The following ADAMTS6 variants were observed in gnomAD, a reference collection of about 807,000 sequenced individuals.
ADAMTS6 encodes the protein ADAM metallopeptidase with thrombospondin type 1 motif 6.
A neutral mutation model predicts 144.3 loss-of-function variants in ADAMTS6; 23 were observed. That is an observed-to-expected ratio of 0.16 (90% CI 0.11 to 0.23). The LOEUF (loss-of-function observed/expected upper bound fraction) is 0.23, where lower values mean the gene tolerates loss of function less well. ADAMTS6 is among the 10% of genes least tolerant of loss of function. ADAMTS6 has a pLI of 1.00. For synonymous variants in ADAMTS6, 444 were observed against 457.5 expected (o/e 0.97, Z 0.38); for missense variants, 999 against 1,379.6 (o/e 0.72, Z 4.37).
intron 7 of ADAMTS6, among the ~76,000 whole-genome samples, chr5:65,432,452 A>G (rs1757067039): frequency 6.6e-6 from 1 of 152,050 alleles, no homozygotes. Flanking sequence ...AGCCTTTCTG[A>G]ACTAGAAAGA....
chr5:65,262,827 C>G lies in ADAMTS6; in HGVS notation c.1756G>C (p.Asp586His). The G allele has an allele frequency of 6.5e-7, 1 of 1,532,402 alleles. No individual in the cohort carries two copies. The highest frequency in any genetic ancestry group is 8.7e-7 in the Non-Finnish European group (1 of 1,146,706). The allele number at this position is 1,532,402 out of a possible 1,614,324, so 94.9% of individuals were successfully genotyped here. ...ACTTTAGCTACTTACGCTGGACTGT[C>G]ACAGTGTCTTAGGGATGAGGAGACG... The part of the protein sequence containing the change: ...GGVSSSLRHC[D>H]SPAPSGGGKY... The change falls in exon 13 of 25, where the codon GAC becomes CAC. Residue 586 changes from aspartate (D) to histidine (H), a missense_variant. Transcript: ENST00000381055.
intron 14 of ADAMTS6, among the ~76,000 whole-genome samples, chr5:65,257,928 G>A (rs1169625220): frequency 1.3e-5 from 2 of 152,194 alleles, no homozygotes; most frequent in East Asian, 3.8e-4. Flanking sequence ...TTTGAGGGCA[G>A]AGATTGTCTT....
At chr5:65,293,308 A>G (rs1363006380) in intron 10 of ADAMTS6, among the ~76,000 whole-genome samples, 1 of 152,130 alleles carries the variant, frequency 6.6e-6, no homozygotes, top group African/African-American at 2.4e-5. Flanking sequence ...GTACTACTAT[A>G]AATCTTTTTT....
chr5:65,476,612 A>AT (rs778093793), intron 1 of ADAMTS6, among the ~76,000 whole-genome samples: 305 of 146,506 alleles, frequency 2.1e-3, no homozygotes, highest in Non-Finnish European at 2.7e-3. Context: ...GTCAAAGAAG[A>AT]TTTTTTTTTT....
At chr5:65,362,060 C>T (rs1240178644) in intron 7 of ADAMTS6, among the ~76,000 whole-genome samples, 2 of 152,188 alleles carry the variant, frequency 1.3e-5, no homozygotes, top group South Asian at 4.1e-4. Context: ...TAATTTATCA[C>T]TCAAGAAAAC....
At chr5:65,413,031 C>A (rs1375990069) in intron 7 of ADAMTS6, among the ~76,000 whole-genome samples, 1 of 152,090 alleles carries the variant, frequency 6.6e-6, no homozygotes, top group Non-Finnish European at 1.5e-5. Context: ...ACCTACGTAT[C>A]AAAAATCAAA....
At chr5:65,322,894 T>G (rs1461979833) in intron 9 of ADAMTS6, among the ~76,000 whole-genome samples, 1 of 152,170 alleles carries the variant, frequency 6.6e-6, no homozygotes, top group Admixed American at 6.5e-5. Context: ...CTGACTGCCC[T>G]GGCCAGAACT....
At chr5:65,263,100 A>T (rs1294188149) in intron 12 of ADAMTS6, 138 bp from the exon 13 acceptor site, 14 of 1,084,184 alleles carry the variant, frequency 1.3e-5, no homozygotes, top group East Asian at 2.6e-5. Context: ...TAGTTCTCTA[A>T]CTGTGTTTAG....
rs1174508093 is a variant in ADAMTS6 at position 65,150,528 on chromosome 5, CATAAAAA to C, written c.*1301_*1307del. 11 of 152,578 alleles carry C rather than the reference CATAAAAA, an allele frequency of 7.2e-5. No individual in the cohort carries two copies. In the East Asian group the frequency reaches 2.1e-3, roughly 29 times the overall value. The allele number at this position is 152,578 out of a possible 1,614,324, so 9.5% of individuals were successfully genotyped here. On this transcript the variant is annotated 3_prime_UTR_variant, in exon 25 of 25. Coordinates refer to ENST00000381055, the MANE Select transcript of ADAMTS6 (RefSeq NM_197941.4). ...ACATTTAATTGCCATTCAGAGTATC[CATAAAAA>C]ATAAAAAATACTTGGTTGAGTGACT...
At chr5:65,321,365 C>G (rs1745597159) in intron 9 of ADAMTS6, among the ~76,000 whole-genome samples, 2 of 151,636 alleles carry the variant, frequency 1.3e-5, no homozygotes, top group Admixed American at 1.3e-4. Flanking sequence ...CTGTTCATGT[C>G]CTTTGCCCAA....
chr5:65,447,444 G>A (rs1012621446), intron 7 of ADAMTS6, among the ~76,000 whole-genome samples: 2 of 152,064 alleles, frequency 1.3e-5, no homozygotes, highest in African/African-American at 4.8e-5. Context: ...AACATCATTT[G>A]TATACCATAA....
intron 7 of ADAMTS6, among the ~76,000 whole-genome samples, chr5:65,349,366 C>G (rs1748634167): frequency 6.6e-6 from 1 of 151,736 alleles, no homozygotes; most frequent in South Asian, 2.1e-4. Flanking sequence ...AAGAGCTACT[C>G]TATAAAAAAA....
At chr5:65,383,798 T>C (rs1752252070) in intron 7 of ADAMTS6, among the ~76,000 whole-genome samples, 1 of 151,838 alleles carries the variant, frequency 6.6e-6, no homozygotes, top group Non-Finnish European at 1.5e-5. Flanking sequence ...CTATGGTGAC[T>C]CCCCTCATAG....
chr5:65,281,020 G>T (rs548555539), intron 11 of ADAMTS6, among the ~76,000 whole-genome samples: 28 of 152,230 alleles, frequency 1.8e-4, no homozygotes, highest in African/African-American at 6.7e-4. Flanking sequence ...GATGTTGTAG[G>T]CAGGAATAAA....
chr5:65,462,834 C>T (rs555353724), intron 3 of ADAMTS6, among the ~76,000 whole-genome samples: 3 of 152,232 alleles, frequency 2.0e-5, no homozygotes, highest in African/African-American at 4.8e-5. Flanking sequence ...GTAATCCCAG[C>T]ACTTTGGGAG....
intron 7 of ADAMTS6, among the ~76,000 whole-genome samples, chr5:65,415,091 A>C (rs1261475696): frequency 1.3e-5 from 2 of 152,266 alleles, no homozygotes; most frequent in African/African-American, 4.8e-5. Context: ...ATATATGATA[A>C]GTCTAATATT....
chr5:65,422,951 T>TAC (rs146500695), intron 7 of ADAMTS6, among the ~76,000 whole-genome samples: 144 of 150,508 alleles, frequency 9.6e-4, no homozygotes, highest in South Asian at 3.6e-3. Flanking sequence ...TATATACACA[T>TAC]ACACACACAC....
intron 3 of ADAMTS6, among the ~76,000 whole-genome samples, chr5:65,464,495 T>G (rs1759853653): frequency 6.6e-6 from 1 of 152,246 alleles, no homozygotes; most frequent in South Asian, 2.1e-4. Context: ...ATCAACATAT[T>G]GGTTTGTTAC....
chr5:65,411,759 T>C (rs566316405), intron 7 of ADAMTS6, among the ~76,000 whole-genome samples: 10 of 152,310 alleles, frequency 6.6e-5, no homozygotes, highest in Non-Finnish European at 1.3e-4. Context: ...TATTAAATAA[T>C]ATTATGTAGT....
Sources: allele counts gnomAD v4.1 joint callset (sites outside exome capture counted in the v4.1 genomes callset), GRCh38; gene constraint gnomAD v4.1.1; transcripts MANE v1.5; gene names NCBI Gene and HGNC (gene_info 2026-07-23, HGNC 2026-07-21).